The following SMYD3 variants were observed in gnomAD, a reference collection of about 807,000 sequenced individuals.
The protein encoded by SMYD3 is histone-lysine N-methyltransferase SMYD3.
SMYD3 carries 36 observed loss-of-function variants against 57.7 expected under a neutral mutation model. That is an observed-to-expected ratio of 0.62 (90% CI 0.48 to 0.82). The LOEUF (loss-of-function observed/expected upper bound fraction) is 0.82. SMYD3 is among the 40% of genes least tolerant of loss of function. The pLI, the probability that SMYD3 is intolerant of heterozygous loss-of-function variation, is 0.00. For missense variants in SMYD3, 515 were observed against 538.8 expected, an observed-to-expected ratio of 0.96 and a Z score of 0.44; for synonymous variants, 211 against 195.0, an observed-to-expected ratio of 1.08 and a Z score of -0.68.
chr1:246,183,926 C>T (rs1252230740), intron 5 of SMYD3, among the ~76,000 whole-genome samples: 1 of 152,162 alleles, frequency 6.6e-6, no homozygotes, highest in Non-Finnish European at 1.5e-5. Flanking sequence ...AAAGGATTTA[C>T]AAGGTGGTAA....
At chr1:246,086,907 G>A (rs1244376524) in intron 5 of SMYD3, among the ~76,000 whole-genome samples, 2 of 152,026 alleles carry the variant, frequency 1.3e-5, no homozygotes, top group Non-Finnish European at 2.9e-5. Context: ...GGCCCAGTGT[G>A]TGTTGTTCCC....
chr1:245,985,820 T>C (rs1318739147), intron 5 of SMYD3, among the ~76,000 whole-genome samples: 3 of 152,184 alleles, frequency 2.0e-5, no homozygotes, highest in Admixed American at 1.3e-4. Context: ...TGCACCAACA[T>C]GTTCTTTCCA....
At chr1:246,487,353 A>T (rs2068204489) in intron 1 of SMYD3, among the ~76,000 whole-genome samples, 1 of 152,010 alleles carries the variant, frequency 6.6e-6, no homozygotes, top group African/African-American at 2.4e-5. Flanking sequence ...CCAGCTACTC[A>T]GGAGGCTAAG....
chr1:246,229,935 T>C (rs932064811), intron 5 of SMYD3, among the ~76,000 whole-genome samples: 3 of 152,208 alleles, frequency 2.0e-5, no homozygotes, highest in Admixed American at 6.5e-5. Flanking sequence ...ACATTAAACC[T>C]AAAACAGACT....
intron 10 of SMYD3, among the ~76,000 whole-genome samples, chr1:245,834,683 C>T (rs115012032): frequency 1.1e-4 from 16 of 152,288 alleles, no homozygotes; most frequent in South Asian, 4.1e-4. Context: ...TCTTCCTGTT[C>T]GGAGGATCAC....
intron 1 of SMYD3, among the ~76,000 whole-genome samples, chr1:246,368,189 C>A (rs545302276): frequency 6.6e-6 from 1 of 152,336 alleles, no homozygotes; most frequent in Non-Finnish European, 1.5e-5. Context: ...ATAGCAGGAA[C>A]AACCATCTCT....
chr1:246,156,045 C>T (rs545480167), intron 5 of SMYD3, among the ~76,000 whole-genome samples: 8 of 151,248 alleles, frequency 5.3e-5, no homozygotes, highest in Admixed American at 2.6e-4. Context: ...CTACAGAGTT[C>T]GAAGGACAGA....
intron 5 of SMYD3, among the ~76,000 whole-genome samples, chr1:246,201,180 A>G (rs2062918322): frequency 6.6e-6 from 1 of 152,236 alleles, no homozygotes; most frequent in Admixed American, 6.5e-5. Context: ...TCATCCCTAC[A>G]AGCTCAAGAT....
At chr1:246,073,746 T>C (rs1478440459) in intron 5 of SMYD3, among the ~76,000 whole-genome samples, 3 of 152,016 alleles carry the variant, frequency 2.0e-5, no homozygotes, top group Non-Finnish European at 2.9e-5. Context: ...AACTAGACTT[T>C]AGGGATTTTA....
chr1:245,968,767 A>G (rs1177794694), intron 5 of SMYD3, among the ~76,000 whole-genome samples: 1 of 152,126 alleles, frequency 6.6e-6, no homozygotes, highest in Non-Finnish European at 1.5e-5. Context: ...CGCGTTTCCC[A>G]TATTCCATTT....
At chr1:246,218,076 T>C (rs1314817571) in intron 5 of SMYD3, among the ~76,000 whole-genome samples, 1 of 152,134 alleles carries the variant, frequency 6.6e-6, no homozygotes, top group African/African-American at 2.4e-5. Context: ...CTGAATGAGT[T>C]GCAGTTACAT....
chr1:246,265,446 G>A (rs912369622), intron 5 of SMYD3, among the ~76,000 whole-genome samples: 10 of 151,628 alleles, frequency 6.6e-5, no homozygotes, highest in Admixed American at 1.3e-4. Context: ...GTTCTGCTTC[G>A]TTTTTTTTGT....
At chr1:246,174,470 C>G (rs569740531) in intron 5 of SMYD3, among the ~76,000 whole-genome samples, 3 of 152,210 alleles carry the variant, frequency 2.0e-5, no homozygotes, top group Non-Finnish European at 2.9e-5. Flanking sequence ...TTTTTAAGAC[C>G]AGGTCTGGCC....
chr1:246,353,966 T>C (rs374481149), intron 2 of SMYD3, among the ~76,000 whole-genome samples: 2 of 152,196 alleles, frequency 1.3e-5, no homozygotes, highest in East Asian at 1.9e-4. Context: ...TTTTGAACTT[T>C]TGATTTCTTT....
intron 1 of SMYD3, among the ~76,000 whole-genome samples, chr1:246,481,098 A>G (rs1307084405): frequency 6.6e-6 from 1 of 152,092 alleles, no homozygotes; most frequent in African/African-American, 2.4e-5. Context: ...CATCCAAAAG[A>G]TCTCTTTAGA....
At chr1:246,201,001 C>A (rs1297302486) in intron 5 of SMYD3, among the ~76,000 whole-genome samples, 1 of 152,208 alleles carries the variant, frequency 6.6e-6, no homozygotes, top group Admixed American at 6.5e-5. Context: ...ACGAGGATTT[C>A]TTGCCCCCAT....
At chr1:246,176,700 T>A (rs1336322748) in intron 5 of SMYD3, among the ~76,000 whole-genome samples, 2 of 152,100 alleles carry the variant, frequency 1.3e-5, no homozygotes, top group East Asian at 3.9e-4. Flanking sequence ...TTACTGTATT[T>A]TTTGCAGAGA....
chr1:246,042,873 G>C (rs2059901912), intron 5 of SMYD3, among the ~76,000 whole-genome samples: 1 of 152,052 alleles, frequency 6.6e-6, no homozygotes, highest in South Asian at 2.1e-4. Flanking sequence ...TTTTTTACTG[G>C]AGATTAATTT....
chr1:246,347,111 A>C (rs2065734246), intron 2 of SMYD3, among the ~76,000 whole-genome samples: 1 of 152,120 alleles, frequency 6.6e-6, no homozygotes, highest in African/African-American at 2.4e-5. Context: ...CAATATGGTA[A>C]CCACCAACAT....
Sources: gnomAD v4.1 joint callset for allele counts (sites outside exome capture counted in the v4.1 genomes callset) on GRCh38, gnomAD v4.1.1 for gene constraint, MANE v1.5 for transcripts, NCBI Gene and HGNC (gene_info 2026-07-23, HGNC 2026-07-21) for gene names.